TBC1D19: variants seen among roughly 807,000 people sequenced by gnomAD.
TBC1D19 encodes TBC1 domain family, member 19.
Under a neutral mutation model 89.0 loss-of-function variants are expected in TBC1D19, and 60 were observed. The observed-to-expected ratio is 0.67, with a 90% CI of 0.55 to 0.84. TBC1D19 has a LOEUF of 0.84. Ranked by LOEUF, TBC1D19 falls within the 40% of genes least tolerant of loss-of-function variation. The probability of loss-of-function intolerance (pLI) is 0.00; values close to 1 mark genes in which losing one functional copy is unlikely to be tolerated. For synonymous variants in TBC1D19, 189 were observed against 199.7 expected, an observed-to-expected ratio of 0.95 and a Z score of 0.45; for missense variants, 500 against 610.8, an observed-to-expected ratio of 0.82 and a Z score of 1.91.
intron 1 of TBC1D19, among the ~76,000 whole-genome samples, chr4:26,598,022 G>A (rs1740342526): frequency 6.6e-6 from 1 of 152,054 alleles, no homozygotes; most frequent in Non-Finnish European, 1.5e-5. Flanking sequence ...TTCTTTGTGT[G>A]TTATTTTGCC....
intron 7 of TBC1D19, among the ~76,000 whole-genome samples, chr4:26,652,787 T>A (rs1304049658): frequency 6.6e-6 from 1 of 152,212 alleles, no homozygotes; most frequent in Non-Finnish European, 1.5e-5. Flanking sequence ...GCTAGCGGTC[T>A]ATCAATTTTG....
intron 4 of TBC1D19, among the ~76,000 whole-genome samples, chr4:26,623,696 T>A (rs1357121391): frequency 6.6e-6 from 1 of 152,182 alleles, no homozygotes; most frequent in African/African-American, 2.4e-5. Context: ...AGTGATCAAG[T>A]GCTATATATT....
the TBC1D19 span, among the ~76,000 whole-genome samples, chr4:26,816,482 C>T: frequency 6.6e-6 from 1 of 152,146 alleles, no homozygotes; most frequent in Non-Finnish European, 1.5e-5. Flanking sequence ...TATCACCCCA[C>T]AACATGCATA....
chr4:26,827,744 G>A, the TBC1D19 span, among the ~76,000 whole-genome samples: 1 of 147,190 alleles, frequency 6.8e-6, no homozygotes, highest in East Asian at 2.0e-4. Context: ...AGGGTCTTGC[G>A]ATGACACTCA....
intron 19 of TBC1D19, among the ~76,000 whole-genome samples, chr4:26,750,748 C>T (rs1054939438): frequency 1.6e-4 from 25 of 152,114 alleles, no homozygotes; most frequent in African/African-American, 5.1e-4. Flanking sequence ...TGGAACTAGA[C>T]TGAAGGAAGC....
intron 13 of TBC1D19, among the ~76,000 whole-genome samples, chr4:26,702,900 C>T (rs1355332929): frequency 6.6e-6 from 1 of 152,232 alleles, no homozygotes; most frequent in African/African-American, 2.4e-5. Context: ...CACCATTCAA[C>T]TGCTGCTATA....
At chr4:26,740,917 C>A in intron 17 of TBC1D19, 4 of 985,408 alleles carry the variant, frequency 4.1e-6, no homozygotes, top group Non-Finnish European at 4.8e-6. Flanking sequence ...TGGCAAATCA[C>A]AGAATTCCAG....
intron 13 of TBC1D19, among the ~76,000 whole-genome samples, chr4:26,694,051 C>T (rs1714535906): frequency 6.6e-6 from 1 of 151,986 alleles, no homozygotes; most frequent in Admixed American, 6.6e-5. Flanking sequence ...ACAGTGGAGG[C>T]AGGACAGTGG....
upstream of TBC1D19, chr4:26,583,975 T>G: frequency 1.8e-6 from 1 of 560,984 alleles, no homozygotes. Context: ...GCCCCGGTCT[T>G]TTTCCGCCGG....
intron 18 of TBC1D19, among the ~76,000 whole-genome samples, chr4:26,744,077 A>G (rs886087441): frequency 6.6e-6 from 1 of 151,684 alleles, no homozygotes; most frequent in African/African-American, 2.4e-5. Context: ...TTTAATAGAT[A>G]TAGGACTACT....
chr4:26,843,648 G>C, the TBC1D19 span, among the ~76,000 whole-genome samples: 19 of 151,960 alleles, frequency 1.3e-4, no homozygotes, highest in Non-Finnish European at 1.3e-4. Flanking sequence ...TCTTGGTAAA[G>C]TCAAGACAGA....
At chr4:26,627,242 G>T (rs1295977742) in intron 4 of TBC1D19, among the ~76,000 whole-genome samples, 1 of 151,870 alleles carries the variant, frequency 6.6e-6, no homozygotes, top group Non-Finnish European at 1.5e-5. Flanking sequence ...TGGCTGCATA[G>T]TATTCCATGG....
chr4:26,717,107 C>T (rs977576820), intron 13 of TBC1D19, among the ~76,000 whole-genome samples: 3 of 152,092 alleles, frequency 2.0e-5, no homozygotes, highest in Non-Finnish European at 2.9e-5. Context: ...AGCTGTATCC[C>T]CTTTCTTGTG....
At chr4:26,720,021 T>G in intron 14 of TBC1D19, 60 bp from the exon 15 acceptor site, 1 of 1,410,172 alleles carries the variant, frequency 7.1e-7, no homozygotes, top group African/African-American at 1.5e-5. Context: ...CAAAATAAGT[T>G]GATTTTTAAA....
At chr4:26,835,687 C>T in the TBC1D19 span, among the ~76,000 whole-genome samples, 4 of 152,264 alleles carry the variant, frequency 2.6e-5, no homozygotes, top group East Asian at 7.7e-4. Flanking sequence ...CTGGCACCTT[C>T]CTAAATAGTT....
At chr4:26,718,130 T>A in intron 14 of TBC1D19, 113 bp downstream of exon 14, 1 of 735,182 alleles carries the variant, frequency 1.4e-6, no homozygotes, top group Non-Finnish European at 2.2e-6. Flanking sequence ...TTACTTAAGA[T>A]TTCTCTCAGA....
chr4:26,666,271 T>A (rs989668932), intron 8 of TBC1D19, 62 bp from the exon 9 acceptor site: 2 of 1,344,442 alleles, frequency 1.5e-6, no homozygotes, highest in Non-Finnish European at 1.1e-6. Flanking sequence ...GCAAAGGTGA[T>A]CTTTTAACAA....
chr4:26,590,512 G>T (rs1296888565), intron 1 of TBC1D19, among the ~76,000 whole-genome samples: 2 of 152,122 alleles, frequency 1.3e-5, no homozygotes, highest in Non-Finnish European at 2.9e-5. Context: ...CCATAAGAGT[G>T]TTATGAGATT....
the TBC1D19 span, among the ~76,000 whole-genome samples, chr4:26,781,633 T>C: frequency 2.6e-5 from 4 of 152,240 alleles, no homozygotes; most frequent in Non-Finnish European, 5.9e-5. Context: ...CTTTAAGTCC[T>C]GAGGATAATG....
Sources: allele counts gnomAD v4.1 joint callset (sites outside exome capture counted in the v4.1 genomes callset), GRCh38; gene constraint gnomAD v4.1.1; transcripts MANE v1.5; gene names NCBI Gene and HGNC (gene_info 2026-07-23, HGNC 2026-07-21).